Variants in CHD9 observed in about 807,000 individuals in gnomAD.
CHD9 encodes the protein chromodomain helicase DNA binding protein 9.
A neutral mutation model predicts 316.1 loss-of-function variants in CHD9; 77 were observed. That is an observed-to-expected ratio of 0.24 (90% CI 0.20 to 0.29). CHD9 has a LOEUF of 0.29. CHD9 is among the 10% of genes least tolerant of loss of function. The probability of loss-of-function intolerance (pLI) is 1.00; values close to 1 mark genes in which losing one functional copy is unlikely to be tolerated. For synonymous variants in CHD9, 1,129 were observed against 1,158.3 expected, an observed-to-expected ratio of 0.97 and a Z score of 0.51; for missense variants, 2,763 against 3,438.1, an observed-to-expected ratio of 0.80 and a Z score of 4.91.
In CHD9 at chr16:53,255,749, A is replaced by G; in HGVS notation, c.4179A>G (p.Glu1393=). The change falls in exon 19 of 39, where the codon GAA becomes GAG. Residue 1393 remains glutamate (E), a synonymous_variant. Transcript: ENST00000447540. ...LLRRTKTITI[E]SEGRGSTFAK... Reference sequence around the variant, plus strand: ...GTCGTACAAAAACTATTACAATTGAATCAGAAGGACGTGGGTCAACATTTG... The same window carrying G: ...GTCGTACAAAAACTATTACAATTGAGTCAGAAGGACGTGGGTCAACATTTG... 1 of 1,613,894 alleles carries G rather than the reference A, an allele frequency of 6.2e-7. No individual in the cohort carries two copies. Among genetic ancestry groups the G allele is most frequent in the Non-Finnish European group, 8.5e-7 (1 of 1,179,816 alleles).
At chr16:53,292,477 G>A (rs892787195) in intron 28 of CHD9, among the ~76,000 whole-genome samples, 4 of 152,086 alleles carry the variant, frequency 2.6e-5, no homozygotes, top group African/African-American at 9.7e-5. Flanking sequence ...TAATACAGAA[G>A]GCTTCCATTA....
rs115056155 is a variant in CHD9, at chr16:53,144,923, T to C, written c.-164-11003T>C. On this transcript the variant is annotated intron_variant, in intron 1 of 38. Coordinates refer to ENST00000447540, the MANE Select transcript of CHD9 (RefSeq NM_001308319.2). The stretch of plus-strand genomic sequence containing the variant: ...GGGTGGTTCACTTGAGTACAGGAAG[T>C]CAAGGCTGCAGTGAGCTATGATCAT... 6.5e-3 allele frequency among the ~76,000 whole-genome samples: 962 copies of C among 148,640 alleles called. 9 individuals carry two copies. Among genetic ancestry groups the C allele is most frequent in the African/African-American group, 0.023 (926 of 40,154 alleles).
intron 1 of CHD9, among the ~76,000 whole-genome samples, chr16:53,062,236 C>G (rs2032992207): frequency 1.3e-5 from 2 of 152,164 alleles, no homozygotes; most frequent in Non-Finnish European, 2.9e-5. Flanking sequence ...ATTTAAGAGG[C>G]AACAGTAAGT....
chr16:53,311,099 T>A (rs1194148841), intron 34 of CHD9: 1 of 150,266 alleles, frequency 6.7e-6, no homozygotes, highest in African/African-American at 2.5e-5. Context: ...GGTGGAAGGA[T>A]CACTTGATCT....
At position 53,254,580 on chromosome 16, in the gene CHD9, G is replaced by A. The variant is rs760533447; in HGVS notation, c.4004G>A (p.Ser1335Asn). 1.2e-5 allele frequency: 19 copies of A among 1,607,464 alleles called. No individual in the cohort carries two copies. The South Asian group carries it at 2.1e-4, about 18-fold the overall frequency. Residue 1335 changes from serine to asparagine, a missense_variant, in exon 18 of 39, where the codon AGT (serine) becomes AAT (asparagine). Physicochemically the swap from Ser to Asn is conservative, Grantham distance 46 (BLOSUM62 1). Coordinates refer to ENST00000447540, the MANE Select transcript of CHD9 (RefSeq NM_001308319.2). ...GATAAAGCTGTGTTACAGAGCATGA[G>A]TGGAAGAGAAAGTAATGTTGGTGGT... is the stretch of plus-strand genomic sequence containing the variant. ...GLDKAVLQSM[S>N]GRESNVGGIQ...
chr16:53,198,133 GTGTT>G (rs1363831252), intron 2 of CHD9, among the ~76,000 whole-genome samples: 1 of 152,026 alleles, frequency 6.6e-6, no homozygotes, highest in Non-Finnish European at 1.5e-5. Context: ...TATGAACAGA[GTGTT>G]TGGGAGGGGG....
chr16:53,206,828 T>A (rs1307805431), intron 2 of CHD9, among the ~76,000 whole-genome samples: 1 of 152,216 alleles, frequency 6.6e-6, no homozygotes, highest in African/African-American at 2.4e-5. Context: ...CTTGTCTCCA[T>A]TATCACTGTT....
intron 1 of CHD9, among the ~76,000 whole-genome samples, chr16:53,069,039 C>G (rs1481588387): frequency 1.3e-5 from 2 of 151,870 alleles, no homozygotes; most frequent in East Asian, 1.9e-4. Context: ...GGGTCTTGCT[C>G]TACTGCCCAG....
At chr16:53,159,215 C>T (rs139802037) in intron 2 of CHD9, among the ~76,000 whole-genome samples, 80 of 152,148 alleles carry the variant, frequency 5.3e-4, no homozygotes, top group East Asian at 2.3e-3. Context: ...CCAGGAGTTC[C>T]AGGCTGAGGT....
At chr16:53,120,146 C>G (rs181513227) in intron 1 of CHD9, among the ~76,000 whole-genome samples, 28 of 152,154 alleles carry the variant, frequency 1.8e-4, no homozygotes, top group African/African-American at 6.3e-4. Flanking sequence ...GTAAGAGGAT[C>G]GCTTGAGCCC....
At chr16:53,231,586 G>T in intron 9 of CHD9, 61 bp from the exon 10 acceptor site, 1 of 1,414,838 alleles carries the variant, frequency 7.1e-7, no homozygotes, top group Non-Finnish European at 9.7e-7. Context: ...TTTATTCTCT[G>T]TTTAAACTAT....
At chr16:53,210,779 C>G (rs1438617895) in intron 3 of CHD9, among the ~76,000 whole-genome samples, 1 of 151,962 alleles carries the variant, frequency 6.6e-6, no homozygotes, top group Non-Finnish European at 1.5e-5. Context: ...TTTTATAAAT[C>G]AAATGAATTC....
intron 24 of CHD9, among the ~76,000 whole-genome samples, chr16:53,282,941 C>T (rs1453729335): frequency 6.6e-6 from 1 of 152,078 alleles, no homozygotes; most frequent in Non-Finnish European, 1.5e-5. Context: ...TGGGTGTTCT[C>T]ATCTTTGTGG....
intron 27 of CHD9, among the ~76,000 whole-genome samples, chr16:53,291,418 A>G (rs546645165): frequency 6.6e-6 from 1 of 152,324 alleles, no homozygotes; most frequent in East Asian, 1.9e-4. Flanking sequence ...TTAGTTAGCA[A>G]TAAAACCTAG....
At chr16:53,244,456 A>G (rs972390399) in intron 13 of CHD9, among the ~76,000 whole-genome samples, 1 of 151,880 alleles carries the variant, frequency 6.6e-6, no homozygotes, top group African/African-American at 2.4e-5. Context: ...CTCCCAAAGT[A>G]CTGGGATTGC....
rs1050527734 is a variant in CHD9 at position 53,245,944 on chromosome 16, T to C, written c.3454+94T>C. ...CACACTACAGCTGTAGTGGCTGTTA[T>C]GACTCTCCACTGTGATATTCTAAGG... On this transcript the variant is annotated intron_variant, in intron 15 of 38. Transcript: ENST00000447540. This position sits in a 1 kb window ranked among gnomAD's most constrained non-coding sequence, Gnocchi z 4.1. The C allele has an allele frequency of 1.2e-5, 10 of 866,464 alleles. No homozygotes were observed. In the African/African-American group the frequency reaches 1.2e-4, roughly 11 times the overall value. 53.7% of individuals were successfully genotyped at this position (866,464 alleles called of 1,614,324 possible). A position where few individuals can be genotyped will look rare whatever the true frequency, so the allele number is the denominator to read the frequency against.
Position 53,156,365 on chromosome 16 carries a change from T to C in CHD9, c.276T>C (p.His92=). The change falls in exon 2 of 39, where the codon CAT becomes CAC. Residue 92 remains histidine (H), a synonymous_variant. Coordinates refer to ENST00000447540, the MANE Select transcript of CHD9 (RefSeq NM_001308319.2). ...AATCTTTTGGTAGCCCAGCTGAACA[T>C]GTGTTATCTCCACACTCTCAGTTTA... ...VNQSFGSPAE[H]VLSPHSQFNC... 1 of 1,614,018 alleles carries C rather than the reference T, an allele frequency of 6.2e-7. No homozygotes were observed. The highest frequency in any genetic ancestry group is 8.5e-7 in the Non-Finnish European group (1 of 1,179,876).
chr16:53,159,480 T>G lies in CHD9; in HGVS notation c.1452+1939T>G, dbSNP rs563842728. ...TCAATACCTTGGTTACCTGTGAGAT[T>G]CTGTGGACAATGAAATATACCAAAG... On this transcript the variant is annotated intron_variant, in intron 2 of 38. Transcript: ENST00000447540. 4.1e-4 allele frequency among the ~76,000 whole-genome samples: 62 copies of G among 152,322 alleles called. No individual in the cohort carries two copies. The South Asian group carries it at 0.012, about 31-fold the overall frequency.
intron 1 of CHD9, among the ~76,000 whole-genome samples, chr16:53,137,437 T>C (rs2039803065): frequency 6.6e-6 from 1 of 152,334 alleles, no homozygotes; most frequent in African/African-American, 2.4e-5. Flanking sequence ...CAAGTTTGTA[T>C]TTCTGGAAGT....
Sources: gnomAD v4.1 joint callset for allele counts (sites outside exome capture counted in the v4.1 genomes callset) on GRCh38, gnomAD v4.1.1 for gene constraint, Gnocchi (gnomAD v3.1) non-coding constraint, MANE v1.5 for transcripts, NCBI Gene and HGNC (gene_info 2026-07-23, HGNC 2026-07-21) for gene names.